EYA3: variants seen among roughly 807,000 people sequenced by gnomAD.
The protein encoded by EYA3 is protein phosphatase EYA3.
Under a neutral mutation model 80.0 loss-of-function variants are expected in EYA3, and 39 were observed. The observed-to-expected ratio is 0.49, with a 90% confidence interval of 0.38 to 0.64. EYA3 has a LOEUF of 0.64. Among genes scored for constraint, EYA3 ranks in the 30% least tolerant of loss-of-function variants. The pLI is 0.00. For missense variants in EYA3, 523 were observed against 676.1 expected, an observed-to-expected ratio of 0.77 and a Z score of 2.51; for synonymous variants, 206 against 232.8, an observed-to-expected ratio of 0.88 and a Z score of 1.05.
intron 1 of EYA3, among the ~76,000 whole-genome samples, chr1:28,062,657 G>GGGGTGT (rs111612303): frequency 2.0e-4 from 29 of 141,626 alleles, no homozygotes; most frequent in African/African-American, 4.7e-4. Flanking sequence ...AATATATGTA[G>GGGGTGT]GTGTGTGTGT....
intron 4 of EYA3, among the ~76,000 whole-genome samples, chr1:28,040,792 A>G (rs895641765): frequency 2.1e-5 from 3 of 146,226 alleles, no homozygotes; most frequent in African/African-American, 7.5e-5. Flanking sequence ...AAGTTCTGAT[A>G]TGTCACAGAA....
At chr1:27,988,503 G>A (rs772145702) in intron 16 of EYA3, 32 bp downstream of exon 16, 4 of 1,605,532 alleles carry the variant, frequency 2.5e-6, no homozygotes, top group South Asian at 2.2e-5. Flanking sequence ...TTATTGCAAG[G>A]CCAGTGACAA....
chr1:28,068,141 G>C (rs1419585592), intron 1 of EYA3, among the ~76,000 whole-genome samples: 1 of 151,964 alleles, frequency 6.6e-6, no homozygotes, highest in African/African-American at 2.4e-5. Flanking sequence ...TTCGAGACCA[G>C]CCTGGCCTAC....
chr1:28,017,286 G>C, intron 7 of EYA3, 47 bp from the exon 8 acceptor site: 1 of 1,410,840 alleles, frequency 7.1e-7, no homozygotes. Flanking sequence ...TTATGTAAAA[G>C]GTTAGAAGAA....
intron 10 of EYA3, among the ~76,000 whole-genome samples, chr1:28,008,608 A>C (rs753130747): frequency 2.2e-4 from 34 of 152,142 alleles, no homozygotes; most frequent in Non-Finnish European, 1.3e-4. Flanking sequence ...TTAATATAGA[A>C]TATACAAAGA....
At chr1:27,992,120 C>G (rs1450010845) in intron 14 of EYA3, among the ~76,000 whole-genome samples, 1 of 152,122 alleles carries the variant, frequency 6.6e-6, no homozygotes, top group Non-Finnish European at 1.5e-5. Flanking sequence ...TCTGTAAAGT[C>G]TTGTTCCTAC....
At chr1:28,000,823 G>A (rs1170417393) in intron 11 of EYA3, among the ~76,000 whole-genome samples, 1 of 152,154 alleles carries the variant, frequency 6.6e-6, no homozygotes, top group African/African-American at 2.4e-5. Context: ...AGCACTTTGG[G>A]AGTCCAAGGC....
intron 1 of EYA3, 27 bp from the exon 2 acceptor site, chr1:28,058,121 C>G (rs1302263846): frequency 1.1e-6 from 1 of 920,562 alleles, no homozygotes; most frequent in Non-Finnish European, 1.6e-6. Context: ...GGATTCAAAG[C>G]TTTATACACT....
intron 11 of EYA3, among the ~76,000 whole-genome samples, 199 bp downstream of exon 11, chr1:28,004,137 T>C (rs1641096752): frequency 6.6e-6 from 1 of 152,200 alleles, no homozygotes; most frequent in Non-Finnish European, 1.5e-5. Context: ...GTTTCTAACT[T>C]TACCACTTTA....
chr1:28,007,640 G>T (rs964024687), intron 10 of EYA3, among the ~76,000 whole-genome samples: 1 of 151,894 alleles, frequency 6.6e-6, no homozygotes, highest in African/African-American at 2.4e-5. Flanking sequence ...CCAATCAGCT[G>T]TATTTCTATA....
Position 28,064,723 on chromosome 1 carries a change from A to G in EYA3, c.-68-6629T>C, listed in dbSNP as rs576188174. ...AGCTGGTCTCAAACTCCTGGGCTCAAGCAATCCTCCCACCTCAGCCTCCCA... is the reference window on the plus strand; with the variant it reads ...AGCTGGTCTCAAACTCCTGGGCTCAGGCAATCCTCCCACCTCAGCCTCCCA... On this transcript the variant is annotated intron_variant, in intron 1 of 17. Transcript: ENST00000373871. Among the ~76,000 whole-genome samples, 3 of 152,160 alleles carry G rather than the reference A, an allele frequency of 2.0e-5. No individual in the cohort carries two copies. In the East Asian group the frequency reaches 5.8e-4, roughly 29 times the overall value.
At chr1:27,981,802 G>A (rs374609512) in intron 16 of EYA3, among the ~76,000 whole-genome samples, 2 of 150,318 alleles carry the variant, frequency 1.3e-5, no homozygotes, top group African/African-American at 2.4e-5. Flanking sequence ...TACCACCAAC[G>A]AAGCTTTGTA....
intron 1 of EYA3, among the ~76,000 whole-genome samples, chr1:28,080,287 AAAAC>A (rs1645375178): frequency 6.6e-6 from 1 of 151,532 alleles, no homozygotes; most frequent in Admixed American, 6.6e-5. Flanking sequence ...TATAAAACAC[AAAAC>A]AAACAAACAA....
At chr1:28,070,189 C>T (rs749749390) in intron 1 of EYA3, among the ~76,000 whole-genome samples, 8 of 152,202 alleles carry the variant, frequency 5.3e-5, no homozygotes, top group Non-Finnish European at 8.8e-5. Context: ...GCTATTACCT[C>T]TCTGTTTGGG....
At chr1:27,991,205 A>C (rs527732934) in intron 14 of EYA3, among the ~76,000 whole-genome samples, 1 of 152,174 alleles carries the variant, frequency 6.6e-6, no homozygotes, top group Non-Finnish European at 1.5e-5. Context: ...AAGAAACGAA[A>C]CCCAATGAAA....
intron 2 of EYA3, among the ~76,000 whole-genome samples, chr1:28,051,550 G>A (rs1465005676): frequency 1.3e-5 from 2 of 152,060 alleles, no homozygotes; most frequent in Non-Finnish European, 2.9e-5. Flanking sequence ...AGCTGTGTGT[G>A]GTGGTGCACG....
intron 14 of EYA3, among the ~76,000 whole-genome samples, chr1:27,992,138 G>A (rs1236893291): frequency 1.3e-5 from 2 of 152,062 alleles, no homozygotes; most frequent in African/African-American, 4.8e-5. Flanking sequence ...TACTTTCTGC[G>A]CCATATTGTA....
chr1:28,018,275 A>C (rs954083063), intron 7 of EYA3, among the ~76,000 whole-genome samples: 1 of 152,190 alleles, frequency 6.6e-6, no homozygotes, highest in African/African-American at 2.4e-5. Context: ...AATAAAGACA[A>C]GTAATTTGGG....
intron 5 of EYA3, among the ~76,000 whole-genome samples, chr1:28,037,254 A>G (rs966334327): frequency 6.6e-6 from 1 of 152,342 alleles, no homozygotes; most frequent in African/African-American, 2.4e-5. Context: ...AACAGTTCAG[A>G]TAAGTAATAA....
Sources: gnomAD v4.1 joint callset for allele counts (sites outside exome capture counted in the v4.1 genomes callset) on GRCh38, gnomAD v4.1.1 for gene constraint, MANE v1.5 for transcripts, NCBI Gene and HGNC (gene_info 2026-07-23, HGNC 2026-07-21) for gene names.